TPM1: variants seen among roughly 807,000 people sequenced by gnomAD.
TPM1 encodes the protein tropomyosin alpha-1 chain.
TPM1 carries 24 observed loss-of-function variants against 42.9 expected under a neutral mutation model. That is an observed-to-expected ratio of 0.56 (90% confidence interval 0.41 to 0.79). The LOEUF (loss-of-function observed/expected upper bound fraction) is 0.79, where lower values mean the gene tolerates loss of function less well. Ranked by LOEUF, TPM1 falls within the 30% of genes least tolerant of loss-of-function variation. TPM1 has a pLI of 0.00. For synonymous variants in TPM1, 136 were observed against 130.1 expected (o/e 1.05, Z -0.31); for missense variants, 158 against 351.8 (o/e 0.45, Z 4.41).
At chr15:63,051,323 G>T (rs1392843901) in intron 2 of TPM1, among the ~76,000 whole-genome samples, 2 of 151,004 alleles carry the variant, frequency 1.3e-5, no homozygotes, top group Non-Finnish European at 2.9e-5. Context: ...GGTGCATTTT[G>T]TGCTTGCATT....
intron 2 of TPM1, among the ~76,000 whole-genome samples, chr15:63,055,390 C>G (rs1275142672): frequency 6.6e-6 from 1 of 152,206 alleles, no homozygotes; most frequent in Non-Finnish European, 1.5e-5. Context: ...TAAAATCTTA[C>G]AAATCTAGGT....
downstream of TPM1, chr15:63,069,871 T>C: frequency 2.5e-6 from 4 of 1,614,072 alleles, no homozygotes; most frequent in Non-Finnish European, 3.4e-6. Flanking sequence ...CCTGTACAGA[T>C]CAACTCTACC....
At chr15:63,058,930 C>T (rs1022671632) in intron 3 of TPM1, among the ~76,000 whole-genome samples, 2 of 152,126 alleles carry the variant, frequency 1.3e-5, no homozygotes, top group African/African-American at 4.8e-5. Context: ...GCCTGTCTCC[C>T]AGCATTGCTG....
intron 2 of TPM1, 73 bp downstream of exon 2, chr15:63,044,225 G>C (rs1292242533): frequency 6.2e-7 from 1 of 1,611,314 alleles, no homozygotes; most frequent in Non-Finnish European, 8.5e-7. Context: ...CAGGGCTGGA[G>C]AGCAATGAAG....
At chr15:63,067,959 G>T (rs80292141), downstream of TPM1, among the ~76,000 whole-genome samples, 1,859 of 152,326 alleles carry the variant, frequency 0.012, 47 homozygotes, top group African/African-American at 0.04. Context: ...ATCCAGAGGA[G>T]GCTGTCGGAG....
At chr15:63,048,612 A>C (rs955848579) in intron 2 of TPM1, 2 of 1,534,138 alleles carry the variant, frequency 1.3e-6, no homozygotes, top group Admixed American at 2.0e-5. Flanking sequence ...GGTGCGCAGG[A>C]AGATCCGGAG....
chr15:63,048,333 G>T (rs1252701546), intron 2 of TPM1: 1 of 1,081,100 alleles, frequency 9.2e-7, no homozygotes. Context: ...CCCCCAGCCA[G>T]TCCCGGGATC....
At chr15:63,049,605 A>G (rs1057329132) in intron 2 of TPM1, among the ~76,000 whole-genome samples, 6 of 152,148 alleles carry the variant, frequency 3.9e-5, no homozygotes, top group Admixed American at 2.6e-4. Context: ...TTTTATGACA[A>G]TTGATAGTAT....
chr15:63,043,486 A>T (rs954683430), intron 1 of TPM1: 5 of 744,732 alleles, frequency 6.7e-6, no homozygotes, highest in Non-Finnish European at 1.2e-5. Flanking sequence ...GAGCCCGCTG[A>T]GACCTCGGCA....
In TPM1 at chr15:63,042,764, T is replaced by C. The variant is rs193170738; in HGVS notation, c.-66T>C. 7.1e-7 allele frequency: 1 copy of C among 1,411,176 alleles called. No individual in the cohort carries two copies. Among genetic ancestry groups the C allele is most frequent in the Non-Finnish European group, 9.9e-7 (1 of 1,008,954 alleles). The allele number at this position is 1,411,176 out of a possible 1,614,324, so 87.4% of individuals were successfully genotyped here. A position where few individuals can be genotyped will look rare whatever the true frequency, so the allele number is the denominator to read the frequency against. The stretch of plus-strand genomic sequence containing the variant: ...GGCTCCGCGCTCGCACTCCCGCTCC[T>C]CCGCCCGACCGCGCGCTCGCCCCGC... On this transcript the variant is annotated 5_prime_UTR_variant, in exon 1 of 10. Transcript: ENST00000403994.
intron 2 of TPM1, among the ~76,000 whole-genome samples, chr15:63,051,391 G>C (rs1458821330): frequency 1.3e-5 from 2 of 152,174 alleles, no homozygotes; most frequent in Non-Finnish European, 2.9e-5. Flanking sequence ...GCTTTCATAT[G>C]TAGGCAAGGC....
At chr15:63,057,922 A>G (rs561014299) in intron 3 of TPM1, among the ~76,000 whole-genome samples, 1 of 152,290 alleles carries the variant, frequency 6.6e-6, no homozygotes, top group Admixed American at 6.5e-5. Context: ...GAAGGGGCTC[A>G]GAGCACTGAA....
At position 63,056,967 on chromosome 15, in the gene TPM1, T is replaced by A. The variant is rs765279723; in HGVS notation, c.241-18T>A. On this transcript the variant is annotated intron_variant, in intron 2 of 9. Coordinates refer to ENST00000403994, the MANE Select transcript of TPM1 (RefSeq NM_001018005.2). ...CACTTTCTCCCCAACTCTGAAATGC[T>A]TTTCACTCTCTACCTAGGCTGAAGC... is the stretch of plus-strand genomic sequence containing the variant. 4 of 1,613,944 alleles carry A rather than the reference T, an allele frequency of 2.5e-6. No individual in the cohort carries two copies. The Admixed American group carries it at 6.7e-5, about 27-fold the overall frequency.
chr15:63,068,277 G>A (rs144248242), downstream of TPM1, among the ~76,000 whole-genome samples: 3 of 152,298 alleles, frequency 2.0e-5, no homozygotes, highest in Non-Finnish European at 2.9e-5. Context: ...GGAGTGAAGC[G>A]AGTCCGAACT....
At chr15:63,060,838 A>G (rs756357645) in intron 4 of TPM1, 31 bp from the exon 5 acceptor site, 8 of 1,613,496 alleles carry the variant, frequency 5.0e-6, no homozygotes, top group Non-Finnish European at 5.9e-6. Context: ...TGCAAGACCC[A>G]TGGTGTGTGT....
chr15:63,070,122 A>C, downstream of TPM1: 2 of 1,473,834 alleles, frequency 1.4e-6, no homozygotes, highest in Non-Finnish European at 1.8e-6. Flanking sequence ...TGGCTGGAAT[A>C]ATTACGTTCT....
At chr15:63,043,998 C>T in intron 1 of TPM1, 29 bp from the exon 2 acceptor site, 1 of 1,610,218 alleles carries the variant, frequency 6.2e-7, no homozygotes, top group Non-Finnish European at 8.5e-7. Flanking sequence ...CACCCCCCTC[C>T]CTCCCTGTAC....
At chr15:63,061,327 G>A in intron 5 of TPM1, 2 of 1,551,226 alleles carry the variant, frequency 1.3e-6, no homozygotes, top group Non-Finnish European at 1.8e-6. Context: ...ACATCTTTCA[G>A]CTTCCAATGC....
Position 63,057,095 on chromosome 15 carries a change from G to A in TPM1, c.351G>A (p.Glu117=). The A allele has an allele frequency of 6.2e-7, 1 of 1,614,218 alleles. No homozygotes were observed. Among genetic ancestry groups the A allele is most frequent in the Non-Finnish European group, 8.5e-7 (1 of 1,180,034 alleles). The part of the protein sequence containing the change: ...ATALQKLEEA[E]KAADESERGM... ...CTTTGCAGAAGCTGGAGGAAGCTGA[G>A]AAGGCAGCAGATGAGAGTGAGAGGT... Residue 117 remains glutamate (E), a synonymous_variant, in exon 3 of 10, where the codon GAG becomes GAA. Transcript: ENST00000403994.
Sources: gnomAD v4.1 joint callset for allele counts (sites outside exome capture counted in the v4.1 genomes callset) on GRCh38, gnomAD v4.1.1 for gene constraint, MANE v1.5 for transcripts, NCBI Gene and HGNC (gene_info 2026-07-23, HGNC 2026-07-21) for gene names.